The following TET2 variants were observed in gnomAD, a reference collection of about 807,000 sequenced individuals.
TET2 encodes methylcytosine dioxygenase TET2.
A neutral mutation model predicts 142.9 loss-of-function variants in TET2; 299 were observed. The ratio of observed to expected loss-of-function variants is 2.09; its 90% CI spans 1.90 to 2.30. The LOEUF (loss-of-function observed/expected upper bound fraction) is 2.30, where lower values mean the gene tolerates loss of function less well. Among genes scored for constraint, TET2 ranks in the 30% most tolerant of loss-of-function variants. The pLI is 0.00. For missense variants in TET2, 2,418 were observed against 2,378.0 expected (o/e 1.02, Z -0.35); for synonymous variants, 819 against 849.0 (o/e 0.96, Z 0.61).
intron 2 of TET2, among the ~76,000 whole-genome samples, chr4:105,211,841 T>A (rs1727181778): frequency 6.6e-6 from 1 of 152,178 alleles, no homozygotes; most frequent in Non-Finnish European, 1.5e-5. Flanking sequence ...CCTTTTAGTG[T>A]TAATGTTGTC....
At chr4:105,238,282 G>A (rs1381729779) in intron 3 of TET2, 3 of 239,420 alleles carry the variant, frequency 1.3e-5, no homozygotes, top group African/African-American at 2.2e-5. Flanking sequence ...GTTGCTGAAG[G>A]TTGCTGGGAT....
chr4:105,162,696 A>T (rs551350564), intron 1 of TET2, among the ~76,000 whole-genome samples: 1 of 152,336 alleles, frequency 6.6e-6, no homozygotes, highest in Non-Finnish European at 1.5e-5. Context: ...TCATAGAAAC[A>T]GTTGGAGCAA....
At chr4:105,258,410 G>C (rs1300496526) in intron 6 of TET2, among the ~76,000 whole-genome samples, 2 of 152,094 alleles carry the variant, frequency 1.3e-5, no homozygotes, top group African/African-American at 4.8e-5. Flanking sequence ...TAGTTTGTAA[G>C]AATGATAGAA....
chr4:105,245,327 C>T (rs1330469126), intron 6 of TET2, among the ~76,000 whole-genome samples: 1 of 151,750 alleles, frequency 6.6e-6, no homozygotes, highest in Non-Finnish European at 1.5e-5. Flanking sequence ...CTACTTTAAG[C>T]ATAAATTTTT....
chr4:105,195,384 C>T (rs1333834808), intron 2 of TET2, among the ~76,000 whole-genome samples: 1 of 152,058 alleles, frequency 6.6e-6, no homozygotes, highest in African/African-American at 2.4e-5. Flanking sequence ...TTTCTTAGCT[C>T]ATTTAATATT....
chr4:105,237,749 T>C (rs1429155866), intron 3 of TET2: 2 of 1,170,312 alleles, frequency 1.7e-6, no homozygotes, highest in South Asian at 2.6e-5. Flanking sequence ...ATGTACGAAC[T>C]TTAAATATTT....
intron 1 of TET2, among the ~76,000 whole-genome samples, chr4:105,183,518 C>A (rs1172447132): frequency 2.6e-5 from 4 of 152,060 alleles, no homozygotes; most frequent in Non-Finnish European, 4.4e-5. Flanking sequence ...TGGGTTGGAA[C>A]AGAAATAATA....
chr4:105,204,247 A>C (rs1726673941), intron 2 of TET2, among the ~76,000 whole-genome samples: 1 of 144,746 alleles, frequency 6.9e-6, no homozygotes, highest in African/African-American at 2.8e-5. Context: ...ACACACACAC[A>C]CACACACACA....
rs2110307137 is a variant in TET2, at chr4:105,272,824, C to T, written c.4443C>T (p.Ser1481=). The part of the protein sequence containing the change: ...AKKAAAEKLS[S]LENSSNKNEK... ...AAGCTGCAGCTGAAAAGCTTTCCTCCCTGGAGAACAGCTCAAATAAAAATG... is the reference window on the plus strand; with the variant it reads ...AAGCTGCAGCTGAAAAGCTTTCCTCTCTGGAGAACAGCTCAAATAAAAATG... The change falls in exon 10 of 11, where the codon TCC becomes TCT. Residue 1481 remains serine, a synonymous_variant. Coordinates refer to ENST00000380013, the MANE Select transcript of TET2 (RefSeq NM_001127208.3). The T allele has an allele frequency of 6.4e-7, 1 of 1,551,590 alleles. No homozygotes were observed. The highest frequency in any genetic ancestry group is 8.7e-7 in the Non-Finnish European group (1 of 1,146,962).
chr4:105,190,406 C>G lies in TET2; in HGVS notation c.-146C>G. 1.4e-6 allele frequency: 1 copy of G among 696,436 alleles called. No individual in the cohort carries two copies. Among genetic ancestry groups the G allele is most frequent in the South Asian group, 1.5e-5 (1 of 66,528 alleles). 43.1% of individuals were successfully genotyped at this position (696,436 alleles called of 1,614,324 possible). On this transcript the variant is annotated 5_prime_UTR_variant, in exon 2 of 11. Coordinates refer to ENST00000380013, the MANE Select transcript of TET2 (RefSeq NM_001127208.3). ...CACCCTCTCAAGATTGTTTACTTGC[C>G]TTTGCTCCTGTTGAGTTACAACGCT... is the stretch of plus-strand genomic sequence containing the variant.
intron 1 of TET2, among the ~76,000 whole-genome samples, chr4:105,159,006 A>G (rs1390089587): frequency 6.6e-6 from 1 of 152,096 alleles, no homozygotes; most frequent in Non-Finnish European, 1.5e-5. Flanking sequence ...AGCAGTATTT[A>G]CAAACACCAT....
intron 1 of TET2, among the ~76,000 whole-genome samples, chr4:105,173,866 T>C (rs1322094159): frequency 6.6e-6 from 1 of 152,174 alleles, no homozygotes; most frequent in Non-Finnish European, 1.5e-5. Flanking sequence ...GAGAAAAATC[T>C]TGAGACTTCT....
rs1377014086 is a variant in TET2 at position 105,236,013 on chromosome 4, A to T, written c.2071A>T (p.Thr691Ser). The T allele has an allele frequency of 6.2e-7, 1 of 1,614,154 alleles. No homozygotes were observed. Among genetic ancestry groups the T allele is most frequent in the Admixed American group, 1.7e-5 (1 of 60,012 alleles). Residue 691 changes from threonine to serine, a missense_variant, in exon 3 of 11, where the codon ACT becomes TCT. Coordinates refer to ENST00000380013, the MANE Select transcript of TET2 (RefSeq NM_001127208.3). The stretch of plus-strand genomic sequence containing the variant: ...TTTTCAACAAAGAGCAGATTCCCAA[A>T]CTGAAAAACTTATGTCCCCAGTGTT... ...FHFQQRADSQ[T>S]EKLMSPVLKQ...
intron 6 of TET2, among the ~76,000 whole-genome samples, chr4:105,249,919 A>G (rs10003144): frequency 0.081 from 12,377 of 152,198 alleles, 1,464 homozygotes; most frequent in African/African-American, 0.26. Flanking sequence ...ATGAAACTCA[A>G]TTTCTTTTTA....
intron 1 of TET2, among the ~76,000 whole-genome samples, chr4:105,153,768 G>A (rs1723429323): frequency 2.0e-5 from 3 of 152,140 alleles, no homozygotes; most frequent in African/African-American, 4.8e-5. Context: ...ATCATTGATA[G>A]CTGTAAAAGT....
chr4:105,150,019 T>C (rs1211006390), intron 1 of TET2, among the ~76,000 whole-genome samples: 5 of 152,232 alleles, frequency 3.3e-5, no homozygotes, highest in Non-Finnish European at 5.9e-5. Flanking sequence ...TCAATTCTTC[T>C]AAGACTCCAC....
intron 2 of TET2, among the ~76,000 whole-genome samples, chr4:105,213,596 C>T (rs554638874): frequency 6.6e-6 from 1 of 152,172 alleles, no homozygotes; most frequent in African/African-American, 2.4e-5. Flanking sequence ...TTTTCTCAAG[C>T]ATTTCCCTTT....
At chr4:105,149,202 G>A (rs1225205461) in intron 1 of TET2, among the ~76,000 whole-genome samples, 1 of 152,122 alleles carries the variant, frequency 6.6e-6, no homozygotes, top group Non-Finnish European at 1.5e-5. Flanking sequence ...CTTTTCAAAT[G>A]TTGTGGTATA....
chr4:105,216,399 T>C (rs889479598), intron 2 of TET2, among the ~76,000 whole-genome samples: 3 of 152,004 alleles, frequency 2.0e-5, no homozygotes, highest in Admixed American at 6.6e-5. Context: ...TCTGAAATGC[T>C]CTTTTTCTTC....
Sources: gnomAD v4.1 joint callset for allele counts (sites outside exome capture counted in the v4.1 genomes callset) on GRCh38, gnomAD v4.1.1 for gene constraint, MANE v1.5 for transcripts, NCBI Gene and HGNC (gene_info 2026-07-23, HGNC 2026-07-21) for gene names.